Variants in SH3GLB2 observed in about 807,000 individuals in gnomAD.
The protein encoded by SH3GLB2 is SH3 domain containing GRB2 like, endophilin B2.
Under a neutral mutation model 48.0 loss-of-function variants are expected in SH3GLB2, and 24 were observed. That is an observed-to-expected ratio of 0.50 (90% CI 0.36 to 0.70). The LOEUF (loss-of-function observed/expected upper bound fraction) is 0.70. Among genes scored for constraint, SH3GLB2 ranks in the 30% least tolerant of loss-of-function variants. SH3GLB2 has a pLI of 0.00. For missense variants in SH3GLB2, 425 were observed against 516.0 expected, an observed-to-expected ratio of 0.82 and a Z score of 1.71; for synonymous variants, 227 against 207.6, an observed-to-expected ratio of 1.09 and a Z score of -0.80.
chr9:129,021,958 CAAAAA>C (rs112400796), intron 2 of SH3GLB2, among the ~76,000 whole-genome samples: 1 of 53,396 alleles, frequency 1.9e-5, no homozygotes, highest in South Asian at 5.8e-4. Flanking sequence ...GACTCCACCT[CAAAAA>C]AAAAAAAAAA....
intron 2 of SH3GLB2, 43 bp downstream of exon 2, chr9:129,022,239 C>CCCACG (rs748249433): frequency 2.7e-5 from 44 of 1,605,610 alleles, no homozygotes; most frequent in Non-Finnish European, 3.7e-5. Context: ...GTATCCCTGC[C>CCCACG]CCACGACTAC....
At chr9:129,025,383 T>G (rs1394651945) in intron 1 of SH3GLB2, among the ~76,000 whole-genome samples, 1 of 149,454 alleles carries the variant, frequency 6.7e-6, no homozygotes, top group Non-Finnish European at 1.5e-5. Flanking sequence ...GCCAACGTGG[T>G]GAAACCCTGT....
In SH3GLB2 at chr9:129,009,208, G is replaced by A; in HGVS notation, c.978C>T (p.Cys326=). 1 of 1,608,762 alleles carries A rather than the reference G, an allele frequency of 6.2e-7. No individual in the cohort carries two copies. The highest frequency in any genetic ancestry group is 8.5e-7 in the Non-Finnish European group (1 of 1,178,170). ...SLAPPGEASL[C]LEEVAPPASG... ...TGGCAGGGGGGGCCACCTCTTCCAG[G>A]CAGAGCGAGGCCTCCCCCGGAGGGG... The change falls in exon 10 of 11, where the codon TGC becomes TGT. Residue 326 remains cysteine (C), a synonymous_variant. Transcript: ENST00000372564.
Position 129,009,291 on chromosome 9 carries a change from T to C in SH3GLB2, c.895A>G (p.Thr299Ala), listed in dbSNP as rs1470752775. The C allele has an allele frequency of 3.9e-6, 6 of 1,554,560 alleles. No individual in the cohort carries two copies. The highest frequency in any genetic ancestry group is 5.2e-6 in the Non-Finnish European group (6 of 1,148,410). The change falls in exon 10 of 11, where the codon ACC becomes GCC. Residue 299 changes from threonine (T) to alanine (A), a missense_variant. By Grantham distance (58) the Thr-to-Ala change is moderately conservative. Transcript: ENST00000372564. ...TEPASPPLSS[T>A]SPTTAAATMP... ...GTGGCCGCAGCAGTGGTGGGTGAGG[T>C]GCTGCTCAGGGGTGGGGAGGCGGGC...
intron 1 of SH3GLB2, among the ~76,000 whole-genome samples, chr9:129,026,279 C>T (rs1455675092): frequency 6.6e-6 from 1 of 152,100 alleles, no homozygotes; most frequent in African/African-American, 2.4e-5. Context: ...GAGCCCATCA[C>T]ATGTATTGAT....
In SH3GLB2 at chr9:129,014,864, C is replaced by T. The variant is rs1250391896; in HGVS notation, c.375G>A (p.Leu125=). The T allele has an allele frequency of 6.2e-7, 1 of 1,614,066 alleles. No homozygotes were observed. Among genetic ancestry groups the T allele is most frequent in the Non-Finnish European group, 8.5e-7 (1 of 1,180,004 alleles). The stretch of plus-strand genomic sequence containing the variant: ...GGATAAAATCCCTCTCCGCGGCTCC[C>T]AGTTGCTTTTCAGCTTCTGCCACCT... ...LIKVAEAEKQ[L]GAAERDFIHT... Residue 125 remains leucine (L), a synonymous_variant, in exon 4 of 11, where the codon CTG becomes CTA. Coordinates refer to ENST00000372564, the MANE Select transcript of SH3GLB2 (RefSeq NM_020145.4). This position sits in a 1 kb window ranked among gnomAD's most constrained non-coding sequence, Gnocchi z 4.1.
Position 129,022,344 on chromosome 9 carries a change from C to T in SH3GLB2, c.143G>A (p.Ser48Asn), listed in dbSNP as rs1843861993. ...HFENLLARAD[S>N]TKNWTEKILR... is the part of the protein sequence containing the mutation. Reference sequence around the variant, plus strand: ...GATCTTCTCTGTCCAGTTCTTGGTGCTGTCTGCCCGGGCCAGAAGGTTTTC... The same window carrying T: ...GATCTTCTCTGTCCAGTTCTTGGTGTTGTCTGCCCGGGCCAGAAGGTTTTC... Residue 48 changes from serine (S) to asparagine (N), a missense_variant, in exon 2 of 11, where the codon AGC becomes AAC. Physicochemically the swap from Ser to Asn is conservative, Grantham distance 46. Coordinates refer to ENST00000372564, the MANE Select transcript of SH3GLB2 (RefSeq NM_020145.4). The T allele has an allele frequency of 6.2e-7, 1 of 1,614,190 alleles. No individual in the cohort carries two copies. Among genetic ancestry groups the T allele is most frequent in the African/African-American group, 1.3e-5 (1 of 75,056 alleles).
rs963691066 is a variant in SH3GLB2, at chr9:129,010,505, C to T, written c.648+165G>A. On this transcript the variant is annotated intron_variant, in intron 7 of 10. Transcript: ENST00000372564. ...GTGCTACAGGGTACTGTGGAGAAAA[C>T]ATTTCCCCACAGAGGGGAAACTGAG... 1.2e-5 allele frequency: 9 copies of T among 775,020 alleles called. No homozygotes were observed. The African/African-American group carries it at 1.6e-4, about 14-fold the overall frequency. 48.0% of individuals were successfully genotyped at this position (775,020 alleles called of 1,614,324 possible).
chr9:129,014,914 C>A lies in SH3GLB2; in HGVS notation c.335-10G>T. On this transcript the variant is annotated splice_polypyrimidine_tract_variant and intron_variant, in intron 3 of 10. Coordinates refer to ENST00000372564, the MANE Select transcript of SH3GLB2 (RefSeq NM_020145.4). The surrounding 1 kb of genome is among the most constrained non-coding windows in gnomAD (Gnocchi z 4.1). ...TTGATCAGTGTCTTCCCTGAGAAAA[C>A]AGAGTTGAAGCGTGAGGAAGAAGGT... 3.7e-6 allele frequency: 6 copies of A among 1,612,372 alleles called. No individual in the cohort carries two copies. Among genetic ancestry groups the A allele is most frequent in the Non-Finnish European group, 5.1e-6 (6 of 1,179,168 alleles).
At chr9:129,012,781 A>G (rs949471731) in intron 5 of SH3GLB2, 3 of 588,894 alleles carry the variant, frequency 5.1e-6, no homozygotes, top group African/African-American at 3.7e-5. Flanking sequence ...AGATGGATGC[A>G]TGGGCAGACA....
chr9:129,009,287 G>A lies in SH3GLB2; in HGVS notation c.899C>T (p.Ser300Leu), dbSNP rs1399120066. Residue 300 changes from serine (S) to leucine (L), a missense_variant, in exon 10 of 11, where the codon TCA becomes TTA. By Grantham distance (145) the Ser-to-Leu change is moderately radical. Transcript: ENST00000372564. ...CATAGTGGCCGCAGCAGTGGTGGGT[G>A]AGGTGCTGCTCAGGGGTGGGGAGGC... ...EPASPPLSST[S>L]PTTAAATMPV... The A allele has an allele frequency of 1.9e-6, 3 of 1,558,162 alleles. No homozygotes were observed. The highest frequency in any genetic ancestry group is 2.7e-5 in the African/African-American group (2 of 73,920).
chr9:129,016,093 A>C (rs560258570), intron 3 of SH3GLB2, among the ~76,000 whole-genome samples: 75 of 152,250 alleles, frequency 4.9e-4, no homozygotes, highest in South Asian at 1.2e-3. Flanking sequence ...CTGTAATTCT[A>C]GCACTTTGGG....
intron 8 of SH3GLB2, 87 bp downstream of exon 8, chr9:129,010,033 C>T: frequency 1.4e-6 from 2 of 1,459,640 alleles, no homozygotes; most frequent in Non-Finnish European, 1.9e-6. Flanking sequence ...GAGGGCCATT[C>T]TGGGGCAGCC....
intron 1 of SH3GLB2, among the ~76,000 whole-genome samples, chr9:129,027,165 C>A (rs1359808616): frequency 6.6e-6 from 1 of 152,150 alleles, no homozygotes; most frequent in Admixed American, 6.5e-5. Context: ...AAGGGGAGGG[C>A]GGGGCTCTGA....
chr9:129,024,038 G>A (rs1383551825), intron 1 of SH3GLB2, among the ~76,000 whole-genome samples: 1 of 152,190 alleles, frequency 6.6e-6, no homozygotes, highest in Non-Finnish European at 1.5e-5. Flanking sequence ...CCTGGAGAAT[G>A]CAGATAACAG....
chr9:129,014,179 C>G lies in SH3GLB2; in HGVS notation c.561+232G>C. On this transcript the variant is annotated intron_variant, in intron 5 of 10. Transcript: ENST00000372564. The surrounding 1 kb of genome is among the most constrained non-coding windows in gnomAD (Gnocchi z 4.1). The stretch of plus-strand genomic sequence containing the variant: ...GGGGTGGTGCACCCAGCTGGGGGCA[C>G]TGCTGGTCCGCCCACACCGTAGATA... 1 of 624,198 alleles carries G rather than the reference C, an allele frequency of 1.6e-6. No homozygotes were observed. The highest frequency in any genetic ancestry group is 2.9e-6 in the Non-Finnish European group (1 of 342,984). The allele number at this position is 624,198 out of a possible 1,614,324, so 38.7% of individuals were successfully genotyped here.
chr9:129,021,368 T>A, intron 2 of SH3GLB2, 149 bp from the exon 3 acceptor site: 2 of 979,264 alleles, frequency 2.0e-6, no homozygotes, highest in Non-Finnish European at 2.9e-6. Flanking sequence ...ACCCTGAGAC[T>A]GTTGTGATTG....
rs1843089756 is a variant in SH3GLB2 at position 129,011,008 on chromosome 9, C to T, written c.625-315G>A. On this transcript the variant is annotated intron_variant, in intron 6 of 10. Transcript: ENST00000372564. This position sits in a 1 kb window ranked among gnomAD's most constrained non-coding sequence, Gnocchi z 4.5. ...ACGGAGTGTCCCCACCCCATCCTGA[C>T]TGCTGGCTCAGGCTGCTGGGCTGGG... The T allele has an allele frequency of 4.9e-6, 2 of 411,768 alleles. No homozygotes were observed. The highest frequency in any genetic ancestry group is 8.8e-6 in the Non-Finnish European group (2 of 227,224). The allele number at this position is 411,768 out of a possible 1,614,324, so 25.5% of individuals were successfully genotyped here.
rs1436093997 is a variant in SH3GLB2 at position 129,014,531 on chromosome 9, G to A, written c.469-28C>T. ...ACAGGGCAGGGCATGGGGACAGTGAGACCCTGGGCTGCCCTGGGAGACCCT... is the reference window on the plus strand; with the variant it reads ...ACAGGGCAGGGCATGGGGACAGTGAAACCCTGGGCTGCCCTGGGAGACCCT... On this transcript the variant is annotated intron_variant, in intron 4 of 10. Transcript: ENST00000372564. This position sits in a 1 kb window ranked among gnomAD's most constrained non-coding sequence, Gnocchi z 4.1. 1.3e-6 allele frequency: 2 copies of A among 1,548,944 alleles called. No individual in the cohort carries two copies. Among genetic ancestry groups the A allele is most frequent in the Non-Finnish European group, 1.7e-6 (2 of 1,144,616 alleles).
Sources: allele counts gnomAD v4.1 joint callset (sites outside exome capture counted in the v4.1 genomes callset), GRCh38; gene constraint gnomAD v4.1.1; non-coding constraint Gnocchi (gnomAD v3.1); transcripts MANE v1.5; gene names NCBI Gene and HGNC (gene_info 2026-07-23, HGNC 2026-07-21).